CCDC178: variants seen among roughly 807,000 people sequenced by gnomAD.
CCDC178 encodes coiled-coil domain-containing protein 178.
A neutral mutation model predicts 117.4 loss-of-function variants in CCDC178; 126 were observed. The observed-to-expected ratio is 1.07, with a 90% confidence interval of 0.93 to 1.24. CCDC178 has a LOEUF of 1.24. Ranked by LOEUF, CCDC178 falls within the 50% of genes most tolerant of loss-of-function variation. CCDC178 has a pLI of 0.00. For missense variants in CCDC178, 1,030 were observed against 986.9 expected, an observed-to-expected ratio of 1.04 and a Z score of -0.59; for synonymous variants, 283 against 313.4, an observed-to-expected ratio of 0.90 and a Z score of 1.02.
At chr18:33,351,242 G>C (rs546978348) in intron 7 of CCDC178, among the ~76,000 whole-genome samples, 2 of 151,934 alleles carry the variant, frequency 1.3e-5, no homozygotes, top group East Asian at 1.9e-4. Flanking sequence ...GCCCAGGTTG[G>C]AGTGCAGTGG....
intron 18 of CCDC178, among the ~76,000 whole-genome samples, chr18:33,216,338 A>C (rs577538502): frequency 5.2e-4 from 79 of 152,190 alleles, no homozygotes; most frequent in African/African-American, 1.8e-3. Context: ...CCAGCAAAAG[A>C]AGCCAATATT....
intron 20 of CCDC178, among the ~76,000 whole-genome samples, chr18:33,137,918 A>C (rs1291508411): frequency 6.6e-6 from 1 of 152,224 alleles, no homozygotes; most frequent in Non-Finnish European, 1.5e-5. Context: ...TGGCTCTGTA[A>C]TTCAATAGTG....
At chr18:33,219,692 A>G (rs1256731327) in intron 18 of CCDC178, among the ~76,000 whole-genome samples, 2 of 151,880 alleles carry the variant, frequency 1.3e-5, no homozygotes, top group African/African-American at 2.4e-5. Context: ...ACCAAACACC[A>G]CATGTTCTCA....
chr18:33,296,893 G>A (rs1009390653), intron 11 of CCDC178, among the ~76,000 whole-genome samples: 12 of 151,932 alleles, frequency 7.9e-5, no homozygotes, highest in African/African-American at 2.4e-4. Context: ...GAGTGGTGTC[G>A]TACACCTGTA....
intron 20 of CCDC178, among the ~76,000 whole-genome samples, chr18:33,126,620 C>A (rs73419420): frequency 1.3e-5 from 2 of 151,564 alleles, no homozygotes; most frequent in Non-Finnish European, 2.9e-5. Context: ...CTCCTGTATG[C>A]GTGGTTTTCA....
At chr18:33,266,234 T>C (rs1325935976) in intron 14 of CCDC178, among the ~76,000 whole-genome samples, 2 of 152,018 alleles carry the variant, frequency 1.3e-5, no homozygotes, top group East Asian at 3.9e-4. Context: ...TGAAATCTCA[T>C]GCTCTCTTGC....
intron 20 of CCDC178, among the ~76,000 whole-genome samples, chr18:33,121,563 C>A: frequency 6.6e-6 from 1 of 152,096 alleles, no homozygotes; most frequent in Non-Finnish European, 1.5e-5. Context: ...CATAGAGGGG[C>A]TATCTTGGAA....
At chr18:33,204,979 C>A (rs986166755) in intron 20 of CCDC178, among the ~76,000 whole-genome samples, 5 of 151,814 alleles carry the variant, frequency 3.3e-5, no homozygotes, top group Non-Finnish European at 7.4e-5. Flanking sequence ...AGAAAAGGGG[C>A]CAAATTGTTC....
intron 20 of CCDC178, among the ~76,000 whole-genome samples, chr18:33,186,420 A>G (rs974252796): frequency 6.6e-6 from 1 of 152,104 alleles, no homozygotes; most frequent in Non-Finnish European, 1.5e-5. Context: ...TGACCATAGT[A>G]TGTGTGTTAA....
intron 9 of CCDC178, among the ~76,000 whole-genome samples, chr18:33,340,391 C>A (rs181292310): frequency 1.3e-5 from 2 of 152,192 alleles, no homozygotes; most frequent in Admixed American, 1.3e-4. Context: ...TGCAGCCTGA[C>A]GATTCAATAG....
intron 9 of CCDC178, among the ~76,000 whole-genome samples, chr18:33,342,750 T>A (rs1410619327): frequency 6.6e-6 from 1 of 152,178 alleles, no homozygotes; most frequent in Non-Finnish European, 1.5e-5. Flanking sequence ...CACAGAGCCA[T>A]CAGCAAATAA....
chr18:33,192,082 T>C (rs1363414360), intron 20 of CCDC178, among the ~76,000 whole-genome samples: 1 of 152,156 alleles, frequency 6.6e-6, no homozygotes, highest in Non-Finnish European at 1.5e-5. Flanking sequence ...AATAAATAAA[T>C]AATATACAGT....
chr18:33,190,357 T>C (rs1215682294), intron 20 of CCDC178, among the ~76,000 whole-genome samples: 2 of 152,186 alleles, frequency 1.3e-5, no homozygotes, highest in Non-Finnish European at 2.9e-5. Context: ...AGACTGAGTC[T>C]TGACTGATAT....
intron 20 of CCDC178, among the ~76,000 whole-genome samples, chr18:33,206,345 T>C (rs1429565276): frequency 6.6e-6 from 1 of 151,692 alleles, no homozygotes; most frequent in African/African-American, 2.4e-5. Flanking sequence ...AAGAATAACT[T>C]ATGAAAGTCA....
chr18:33,340,654 T>G (rs1388533985), intron 9 of CCDC178, among the ~76,000 whole-genome samples: 2 of 152,098 alleles, frequency 1.3e-5, no homozygotes, highest in Non-Finnish European at 2.9e-5. Context: ...CCACTCCAGC[T>G]ATGGCTGAAA....
At chr18:33,213,240 C>G (rs1166933728) in intron 19 of CCDC178, among the ~76,000 whole-genome samples, 2 of 151,976 alleles carry the variant, frequency 1.3e-5, no homozygotes, top group East Asian at 3.9e-4. Context: ...AGCAGTTCAA[C>G]ATTAAGTACT....
intron 21 of CCDC178, among the ~76,000 whole-genome samples, chr18:33,006,655 T>C (rs1448295152): frequency 1.3e-5 from 2 of 152,016 alleles, no homozygotes; most frequent in Non-Finnish European, 2.9e-5. Flanking sequence ...GCCAATAGAA[T>C]ATGGAAAAAG....
chr18:33,235,283 G>C (rs1017905650), intron 15 of CCDC178, among the ~76,000 whole-genome samples: 1 of 151,988 alleles, frequency 6.6e-6, no homozygotes, highest in Non-Finnish European at 1.5e-5. Flanking sequence ...CATTGAAAAC[G>C]ACCCCCACCC....
At chr18:33,212,807 T>C (rs1204623354) in intron 19 of CCDC178, among the ~76,000 whole-genome samples, 1 of 151,980 alleles carries the variant, frequency 6.6e-6, no homozygotes, top group Non-Finnish European at 1.5e-5. Context: ...AACTCAGTAG[T>C]TATGTAAGGA....
Sources: gnomAD v4.1 joint callset for allele counts (sites outside exome capture counted in the v4.1 genomes callset) on GRCh38, gnomAD v4.1.1 for gene constraint, MANE v1.5 for transcripts, NCBI Gene and HGNC (gene_info 2026-07-23, HGNC 2026-07-21) for gene names.